ATRNL1: variants seen among roughly 807,000 people sequenced by gnomAD.
The protein encoded by ATRNL1 is attractin like 1, also known as attractin-like protein 1.
Under a neutral mutation model 182.7 loss-of-function variants are expected in ATRNL1, and 95 were observed. The ratio of observed to expected loss-of-function variants is 0.52; its 90% CI spans 0.44 to 0.62. ATRNL1 has a LOEUF of 0.62. ATRNL1 is among the 20% of genes least tolerant of loss of function. The pLI is 0.00. For missense variants in ATRNL1, 1,471 were observed against 1,679.5 expected (o/e 0.88, Z 2.17); for synonymous variants, 576 against 568.3 (o/e 1.01, Z -0.19).
At chr10:115,740,138 A>G (rs1006851304) in intron 27 of ATRNL1, among the ~76,000 whole-genome samples, 2 of 152,094 alleles carry the variant, frequency 1.3e-5, no homozygotes, top group Admixed American at 6.5e-5. Context: ...GTGTTCCCAT[A>G]TTTTACTTCC....
At chr10:115,375,835 T>C (rs185135002) in intron 19 of ATRNL1, among the ~76,000 whole-genome samples, 8 of 152,252 alleles carry the variant, frequency 5.3e-5, no homozygotes, top group Admixed American at 2.6e-4. Flanking sequence ...TTTTTTCTTT[T>C]AAATTTTATA....
chr10:115,643,684 G>A (rs1235914219), intron 26 of ATRNL1, among the ~76,000 whole-genome samples: 2 of 152,070 alleles, frequency 1.3e-5, no homozygotes, highest in Non-Finnish European at 2.9e-5. Flanking sequence ...ATAAGAATAT[G>A]ATGATACTCA....
At chr10:115,194,987 T>TA (rs1467845947) in intron 8 of ATRNL1, among the ~76,000 whole-genome samples, 1 of 151,946 alleles carries the variant, frequency 6.6e-6, no homozygotes, top group East Asian at 1.9e-4. Flanking sequence ...AATAAAAAAC[T>TA]AAAAAAGCTC....
intron 8 of ATRNL1, among the ~76,000 whole-genome samples, chr10:115,214,672 T>C (rs1265415694): frequency 6.6e-6 from 1 of 152,142 alleles, no homozygotes; most frequent in Non-Finnish European, 1.5e-5. Context: ...GTGATCTATA[T>C]GCATATTTAA....
At position 115,751,198 on chromosome 10, in the gene ATRNL1, AG is replaced by A. The variant is rs1396096956; in HGVS notation, c.3903+23847del. ...TGTGATCAGTGCCTTTGAAGGTGGAAGGGGACTGCAAGCCAAGGAATGTGGG... is the reference window on the plus strand; with the variant it reads ...TGTGATCAGTGCCTTTGAAGGTGGAAGGGACTGCAAGCCAAGGAATGTGGG... On this transcript the variant is annotated intron_variant, in intron 27 of 28. Coordinates refer to ENST00000355044, the MANE Select transcript of ATRNL1 (RefSeq NM_207303.4). Among the ~76,000 whole-genome samples, 4 of 152,108 alleles carry A rather than the reference AG, an allele frequency of 2.6e-5. No individual in the cohort carries two copies. The East Asian group carries it at 7.7e-4, about 29-fold the overall frequency.
intron 5 of ATRNL1, among the ~76,000 whole-genome samples, chr10:115,141,821 T>A (rs534930586): frequency 1.2e-3 from 180 of 152,282 alleles, no homozygotes; most frequent in African/African-American, 4.1e-3. Context: ...AAACAGCAGA[T>A]CTGACTTTTT....
chr10:115,442,303 C>CTCTCTCTCTCTG lies in ATRNL1; in HGVS notation c.3322+16002_3322+16003insCTCTCTCTCTGT, dbSNP rs782157017. Among the ~76,000 whole-genome samples, 734 of 123,768 alleles carry CTCTCTCTCTCTG rather than the reference C, an allele frequency of 5.9e-3. 12 individuals carry two copies. Among genetic ancestry groups the CTCTCTCTCTCTG allele is most frequent in the African/African-American group, 0.017 (559 of 32,146 alleles). 81.2% of individuals were successfully genotyped at this position (123,768 alleles called of 152,430 possible). On this transcript the variant is annotated intron_variant, in intron 21 of 28. Transcript: ENST00000355044. ...TCTCTCTCTCTCTCTCTCTCTCTCT[C>CTCTCTCTCTCTG]TGTGTGTATGTGTGTGTGTAAACAA...
rs185002405 is a variant in ATRNL1 at position 115,795,169 on chromosome 10, A to G, written c.3904-52708A>G. Among the ~76,000 whole-genome samples, 40 of 152,272 alleles carry G rather than the reference A, an allele frequency of 2.6e-4. 2 individuals carry two copies. The highest frequency in any genetic ancestry group is 7.9e-4 in the African/African-American group (33 of 41,554). ...TCTGACATTAGGTGTGCTCATTGCT[A>G]TTGAGGTATTGCTGCTTCCAGGCCT... On this transcript the variant is annotated intron_variant, in intron 27 of 28. Transcript: ENST00000355044.
intron 26 of ATRNL1, among the ~76,000 whole-genome samples, chr10:115,636,876 A>G (rs528528826): frequency 1.3e-5 from 2 of 152,322 alleles, no homozygotes; most frequent in African/African-American, 4.8e-5. Context: ...TTTGCTAATA[A>G]AAAGGAATGA....
Position 115,916,003 on chromosome 10 carries a change from G to A in ATRNL1, c.4019-28655G>A, listed in dbSNP as rs141620801. Among the ~76,000 whole-genome samples, 953 of 152,336 alleles carry A rather than the reference G, an allele frequency of 6.3e-3. 11 individuals are homozygous for A. Among genetic ancestry groups the A allele is most frequent in the South Asian group, 0.015 (71 of 4,830 alleles). ...CTCATTGATTTCAATGGGAGTTACA[G>A]ACTCAGAGAAAGGGAAGAATTGGGC... On this transcript the variant is annotated intron_variant, in intron 28 of 28. Coordinates refer to ENST00000355044, the MANE Select transcript of ATRNL1 (RefSeq NM_207303.4).
chr10:115,659,436 A>G (rs1026193131), intron 26 of ATRNL1, among the ~76,000 whole-genome samples: 3 of 151,980 alleles, frequency 2.0e-5, no homozygotes, highest in Non-Finnish European at 4.4e-5. Context: ...AATTCAGCAT[A>G]TATTTATTGT....
chr10:115,227,617 G>A (rs149144128), intron 9 of ATRNL1, among the ~76,000 whole-genome samples: 1 of 152,090 alleles, frequency 6.6e-6, no homozygotes, highest in Non-Finnish European at 1.5e-5. Context: ...ATAGGCACTT[G>A]TTTGTTCATT....
At chr10:115,112,772 C>T (rs1395461053) in intron 1 of ATRNL1, among the ~76,000 whole-genome samples, 1 of 152,184 alleles carries the variant, frequency 6.6e-6, no homozygotes, top group South Asian at 2.1e-4. Context: ...AGGAAAAAAT[C>T]ATCTTGTTCA....
At chr10:115,677,997 A>C (rs1945921755) in intron 26 of ATRNL1, among the ~76,000 whole-genome samples, 1 of 152,134 alleles carries the variant, frequency 6.6e-6, no homozygotes, top group African/African-American at 2.4e-5. Context: ...TGTTGAAAAC[A>C]TAGTGAAACG....
chr10:115,552,039 T>C (rs1310195776), intron 26 of ATRNL1, among the ~76,000 whole-genome samples: 1 of 151,436 alleles, frequency 6.6e-6, no homozygotes. Context: ...CATTGGTATG[T>C]ATGTATAGGG....
chr10:115,842,417 A>G (rs1224777027), intron 27 of ATRNL1, among the ~76,000 whole-genome samples: 1 of 152,088 alleles, frequency 6.6e-6, no homozygotes, highest in Non-Finnish European at 1.5e-5. Context: ...TAGACAAACT[A>G]TTAGATACTG....
chr10:115,296,919 G>C (rs1468942843), intron 15 of ATRNL1, among the ~76,000 whole-genome samples: 2 of 152,156 alleles, frequency 1.3e-5, no homozygotes, highest in Non-Finnish European at 2.9e-5. Context: ...AGCTTAGTGG[G>C]GAGAGAAACA....
chr10:115,396,730 A>G (rs534020553), intron 20 of ATRNL1, among the ~76,000 whole-genome samples: 1 of 152,076 alleles, frequency 6.6e-6, no homozygotes, highest in Admixed American at 6.6e-5. Flanking sequence ...CTTAAATAGT[A>G]TAGCCATATA....
intron 21 of ATRNL1, among the ~76,000 whole-genome samples, chr10:115,435,053 C>T (rs577120240): frequency 1.7e-4 from 22 of 130,442 alleles, no homozygotes; most frequent in South Asian, 4.9e-4. Flanking sequence ...TTTTTTGTGA[C>T]GGAGTCTTGC....
Sources: gnomAD v4.1 joint callset for allele counts (sites outside exome capture counted in the v4.1 genomes callset) on GRCh38, gnomAD v4.1.1 for gene constraint, MANE v1.5 for transcripts, NCBI Gene and HGNC (gene_info 2026-07-23, HGNC 2026-07-21) for gene names.